PPP6C: variants seen among roughly 807,000 people sequenced by gnomAD.
The protein encoded by PPP6C is serine/threonine-protein phosphatase 6 catalytic subunit.
In PPP6C, 11 loss-of-function variants were observed where a neutral mutation model predicts 39.8. The ratio of observed to expected loss-of-function variants is 0.28; its 90% CI spans 0.17 to 0.46. PPP6C has a LOEUF of 0.46. Among genes scored for constraint, PPP6C ranks in the 20% least tolerant of loss-of-function variants. PPP6C has a pLI of 1.00. For synonymous variants in PPP6C, 129 were observed against 130.3 expected (o/e 0.99, Z 0.07); for missense variants, 211 against 373.9 (o/e 0.56, Z 3.59).
intron 1 of PPP6C, among the ~76,000 whole-genome samples, chr9:125,174,284 C>T (rs1203610297): frequency 2.0e-5 from 3 of 151,976 alleles, no homozygotes; most frequent in African/African-American, 4.8e-5. Context: ...ACAATAGCTA[C>T]ACAGTAGCAA....
chr9:125,165,509 T>C (rs1221442331), intron 2 of PPP6C, among the ~76,000 whole-genome samples: 5 of 152,212 alleles, frequency 3.3e-5, no homozygotes, highest in African/African-American at 4.8e-5. Context: ...GAATTCACAT[T>C]GTTTTACATT....
chr9:125,152,763 G>A (rs893680088), intron 6 of PPP6C, among the ~76,000 whole-genome samples: 4 of 151,928 alleles, frequency 2.6e-5, no homozygotes, highest in South Asian at 2.1e-4. Context: ...CCAGGAGGCA[G>A]AGGTTGCAGT....
In PPP6C at chr9:125,189,788, C is replaced by CGGGTGTAGCAGCGGCGGCGGCAGCGG; in HGVS notation, c.-71_-70insCCGCTGCCGCCGCCGCTGCTACACCC. The CGGGTGTAGCAGCGGCGGCGGCAGCGG allele has an allele frequency of 6.6e-7, 1 of 1,516,188 alleles. No homozygotes were observed. Among genetic ancestry groups the CGGGTGTAGCAGCGGCGGCGGCAGCGG allele is most frequent in the South Asian group, 1.2e-5 (1 of 80,018 alleles). 93.9% of individuals were successfully genotyped at this position (1,516,188 alleles called of 1,614,324 possible). On this transcript the variant is annotated 5_prime_UTR_variant, in exon 1 of 7. Coordinates refer to ENST00000373547, the MANE Select transcript of PPP6C (RefSeq NM_002721.5). ...GCAGCGGCGGCGGCAGCGGCGGAGG[C>CGGGTGTAGCAGCGGCGGCGGCAGCGG]CGAAGCCGGAACTTTCCCTGCGTCA... is the stretch of plus-strand genomic sequence containing the variant.
In PPP6C at chr9:125,175,361, G is replaced by A. The variant is rs184519144; in HGVS notation, c.76-4181C>T. Among the ~76,000 whole-genome samples, 22 of 151,848 alleles carry A rather than the reference G, an allele frequency of 1.4e-4. 1 individual carries two copies. The South Asian group carries it at 3.1e-3, about 22-fold the overall frequency. On this transcript the variant is annotated intron_variant, in intron 1 of 6. Transcript: ENST00000373547. The stretch of plus-strand genomic sequence containing the variant: ...GCATTAGAAATTACCTACGCCGGCC[G>A]GGCGCGGTGGCTCACGCCTGTAATC...
At chr9:125,161,247 G>C (rs1828868963) in intron 2 of PPP6C, among the ~76,000 whole-genome samples, 1 of 151,784 alleles carries the variant, frequency 6.6e-6, no homozygotes, top group Non-Finnish European at 1.5e-5. Context: ...CCCAAATTCT[G>C]TATCTATTTT....
chr9:125,171,161 CA>C lies in PPP6C; in HGVS notation c.94del (p.Cys32ValfsTer5), dbSNP rs1179047700. The C allele has an allele frequency of 6.3e-7, 1 of 1,594,326 alleles. No homozygotes were observed. Among genetic ancestry groups the C allele is most frequent in the Non-Finnish European group, 8.6e-7 (1 of 1,165,190 alleles). On this transcript the variant is annotated frameshift_variant, in exon 2 of 7. Coordinates refer to ENST00000373547, the MANE Select transcript of PPP6C (RefSeq NM_002721.5). LOFTEE classifies it high-confidence loss of function. ...ATTTGACTCTTCTAAGAGGAGGTCACAAACGTAGTCACATAGCCGCTATAAA... is the reference window on the plus strand; with the variant it reads ...ATTTGACTCTTCTAAGAGGAGGTCACAACGTAGTCACATAGCCGCTATAAA... ...NDLKRLCDYV[C>X]DLLLEESNVQ...
chr9:125,163,010 C>T (rs901683646), intron 2 of PPP6C, among the ~76,000 whole-genome samples: 8 of 151,466 alleles, frequency 5.3e-5, no homozygotes, highest in African/African-American at 1.5e-4. Context: ...ACCTGGGAGA[C>T]GGAGGTTACA....
At chr9:125,181,210 A>G (rs753955713) in intron 1 of PPP6C, among the ~76,000 whole-genome samples, 9 of 152,212 alleles carry the variant, frequency 5.9e-5, no homozygotes, top group Non-Finnish European at 1.3e-4. Context: ...TCATCATAGT[A>G]AAGACACATG....
intron 2 of PPP6C, among the ~76,000 whole-genome samples, chr9:125,163,172 A>G (rs1828925750): frequency 6.6e-6 from 1 of 152,188 alleles, no homozygotes; most frequent in Non-Finnish European, 1.5e-5. Context: ...AGATCTAGCA[A>G]CTCAAGGACC....
chr9:125,164,174 G>A (rs548699629), intron 2 of PPP6C, among the ~76,000 whole-genome samples: 2 of 142,998 alleles, frequency 1.4e-5, no homozygotes, highest in Admixed American at 1.4e-4. Flanking sequence ...CTACCTCATC[G>A]TCAAATAATA....
At chr9:125,171,589 T>C (rs1200636839) in intron 1 of PPP6C, among the ~76,000 whole-genome samples, 3 of 149,978 alleles carry the variant, frequency 2.0e-5, no homozygotes, top group Non-Finnish European at 4.4e-5. Flanking sequence ...AGTCTCACTC[T>C]GTCTCCCAGG....
chr9:125,162,692 C>T (rs1828910652), intron 2 of PPP6C, among the ~76,000 whole-genome samples: 1 of 150,878 alleles, frequency 6.6e-6, no homozygotes, highest in South Asian at 2.1e-4. Flanking sequence ...AGGAGAATCA[C>T]CTGAACCTGA....
chr9:125,150,739 T>G, intron 6 of PPP6C: 1 of 762,054 alleles, frequency 1.3e-6, no homozygotes, highest in Non-Finnish European at 2.2e-6. Flanking sequence ...GGCAAGGCAG[T>G]GATTGAGAAA....
At chr9:125,185,988 A>C (rs1827688906) in intron 1 of PPP6C, among the ~76,000 whole-genome samples, 1 of 152,030 alleles carries the variant, frequency 6.6e-6, no homozygotes, top group Non-Finnish European at 1.5e-5. Context: ...AACAAACAAA[A>C]ACAGTTATGT....
At chr9:125,189,032 A>G in intron 1 of PPP6C, 1 of 1,025,458 alleles carries the variant, frequency 9.8e-7, no homozygotes, top group Non-Finnish European at 1.4e-6. Flanking sequence ...TCAACAACAT[A>G]CTCAGAAACG....
chr9:125,154,508 T>C (rs1343552780), intron 4 of PPP6C, among the ~76,000 whole-genome samples: 2 of 152,256 alleles, frequency 1.3e-5, no homozygotes, highest in Non-Finnish European at 2.9e-5. Flanking sequence ...TTCCTAAGGA[T>C]GTAGTACTGC....
intron 1 of PPP6C, among the ~76,000 whole-genome samples, chr9:125,182,890 G>A (rs1031684568): frequency 3.3e-5 from 5 of 151,650 alleles, no homozygotes; most frequent in East Asian, 3.9e-4. Flanking sequence ...TTTCTCCTGC[G>A]TTTAATACTA....
intron 6 of PPP6C, chr9:125,150,579 C>A (rs886931132): frequency 4.6e-5 from 32 of 694,972 alleles, no homozygotes; most frequent in African/African-American, 1.8e-5. Flanking sequence ...GTCTCTGGGC[C>A]GACTTTGGTT....
intron 1 of PPP6C, among the ~76,000 whole-genome samples, chr9:125,187,473 G>A (rs550498749): frequency 6.6e-6 from 1 of 151,688 alleles, no homozygotes; most frequent in African/African-American, 2.4e-5. Flanking sequence ...TAGTAGAGAG[G>A]GGGTTTCACC....
Sources: allele counts gnomAD v4.1 joint callset (sites outside exome capture counted in the v4.1 genomes callset), GRCh38; gene constraint gnomAD v4.1.1; transcripts MANE v1.5; gene names NCBI Gene and HGNC (gene_info 2026-07-23, HGNC 2026-07-21).